PTCHD4: variants seen among roughly 807,000 people sequenced by gnomAD.
PTCHD4 encodes patched domain containing 4, also known as patched domain-containing protein 4.
A neutral mutation model predicts 58.1 loss-of-function variants in PTCHD4; 33 were observed. The observed-to-expected ratio is 0.57, with a 90% CI of 0.43 to 0.76. The LOEUF (loss-of-function observed/expected upper bound fraction) is 0.76. Among genes scored for constraint, PTCHD4 ranks in the 30% least tolerant of loss-of-function variants. PTCHD4 has a pLI of 0.00. For missense variants in PTCHD4, 1,058 were observed against 1,027.1 expected (o/e 1.03, Z -0.41); for synonymous variants, 478 against 409.6 (o/e 1.17, Z -2.02).
At chr6:47,943,534 A>T (rs1766310707) in intron 4 of PTCHD4, among the ~76,000 whole-genome samples, 1 of 152,166 alleles carries the variant, frequency 6.6e-6, no homozygotes, top group Admixed American at 6.5e-5. Flanking sequence ...AGAGTCAATT[A>T]CAGTGCTTTA....
chr6:48,030,693 C>T (rs1390753474), intron 3 of PTCHD4, among the ~76,000 whole-genome samples: 2 of 152,104 alleles, frequency 1.3e-5, no homozygotes, highest in East Asian at 3.9e-4. Context: ...TCACTGCCAT[C>T]CTCACTCCAT....
intron 3 of PTCHD4, among the ~76,000 whole-genome samples, chr6:48,042,285 G>A (rs564083600): frequency 9.2e-5 from 14 of 152,072 alleles, no homozygotes; most frequent in Admixed American, 7.2e-4. Flanking sequence ...CTTCCTATCA[G>A]GCAGTGTGCA....
chr6:48,004,664 C>T (rs557248812), intron 4 of PTCHD4, among the ~76,000 whole-genome samples: 1 of 152,246 alleles, frequency 6.6e-6, no homozygotes, highest in African/African-American at 2.4e-5. Flanking sequence ...ATGCTATAAT[C>T]CCAGAACTTT....
rs560017962 is a variant in PTCHD4 at position 48,002,487 on chromosome 6, T to C, written c.898+6147A>G. Among the ~76,000 whole-genome samples, 181 of 152,168 alleles carry C rather than the reference T, an allele frequency of 1.2e-3. 2 individuals carry two copies. Among genetic ancestry groups the C allele is most frequent in the African/African-American group, 4.0e-3 (166 of 41,512 alleles). ...ACGTGGGTGAAGCTGGAAACCATCA[T>C]TGTCAGCAAACTATCACAAGGACAA... On this transcript the variant is annotated intron_variant, in intron 4 of 4. Transcript: ENST00000339488.
chr6:47,988,743 A>G lies in PTCHD4; in HGVS notation c.898+19891T>C, dbSNP rs1315481100. On this transcript the variant is annotated intron_variant, in intron 4 of 4. Coordinates refer to ENST00000339488, the MANE Select transcript of PTCHD4 (RefSeq NM_001384253.1). ...CCTTTCATCTCCCACCATGATTGTG[A>G]GGCCTCCCCAGCCATGTGGAACTGT... is the stretch of plus-strand genomic sequence containing the variant. Among the ~76,000 whole-genome samples the G allele has an allele frequency of 3.9e-5, 6 of 152,292 alleles. No individual in the cohort carries two copies. The South Asian group carries it at 1.0e-3, about 26-fold the overall frequency.
At position 47,869,570 on chromosome 6, in the gene PTCHD4, GACATTTGTGA is replaced by G. The variant is rs1265711336; in HGVS notation, c.*8723_*8732del. Among the ~76,000 whole-genome samples, 1 of 151,582 alleles carries G rather than the reference GACATTTGTGA, an allele frequency of 6.6e-6. No individual in the cohort carries two copies. The highest frequency in any genetic ancestry group is 2.4e-5 in the African/African-American group (1 of 41,348). The stretch of plus-strand genomic sequence containing the variant: ...GCTTTAGTAATTTATGTGTTTTAGA[GACATTTGTGA>G]ACTTAGGGATTCATAAAAATATCTC... On this transcript the variant is annotated 3_prime_UTR_variant, in exon 5 of 5. Transcript: ENST00000339488.
intron 4 of PTCHD4, among the ~76,000 whole-genome samples, chr6:47,961,291 CT>C (rs563112072): frequency 9.2e-4 from 133 of 145,020 alleles, no homozygotes; most frequent in Admixed American, 2.5e-3. Context: ...AAATTTCTTT[CT>C]TTTTTTTTTT....
rs1763643646 is a variant in PTCHD4 at position 47,868,864 on chromosome 6, A to T, written c.*9439T>A. ...AAAAGCAGAATAAAATTAATAATTAAAATACTAAATTTGGACAGGAAAATG... is the reference window on the plus strand; with the variant it reads ...AAAAGCAGAATAAAATTAATAATTATAATACTAAATTTGGACAGGAAAATG... On this transcript the variant is annotated 3_prime_UTR_variant, in exon 5 of 5. Transcript: ENST00000339488. Among the ~76,000 whole-genome samples, 1 of 151,772 alleles carries T rather than the reference A, an allele frequency of 6.6e-6. No homozygotes were observed. Among genetic ancestry groups the T allele is most frequent in the African/African-American group, 2.4e-5 (1 of 41,392 alleles).
chr6:48,101,016 C>T (rs1392085607), intron 1 of PTCHD4, among the ~76,000 whole-genome samples: 1 of 151,412 alleles, frequency 6.6e-6, no homozygotes, highest in Non-Finnish European at 1.5e-5. Context: ...ATAAATTTTT[C>T]TATGACAGAG....
intron 3 of PTCHD4, among the ~76,000 whole-genome samples, chr6:48,060,775 C>T (rs549614929): frequency 5.3e-5 from 8 of 152,306 alleles, no homozygotes; most frequent in Non-Finnish European, 1.2e-4. Flanking sequence ...GTGCCTGACA[C>T]GCCTTCAGCC....
At chr6:47,974,178 T>C (rs1420164633) in intron 4 of PTCHD4, among the ~76,000 whole-genome samples, 1 of 152,176 alleles carries the variant, frequency 6.6e-6, no homozygotes, top group Non-Finnish European at 1.5e-5. Context: ...TGTTAATTTT[T>C]CCCAGGCTTC....
intron 4 of PTCHD4, among the ~76,000 whole-genome samples, chr6:47,988,060 A>T (rs1057318282): frequency 2.6e-5 from 4 of 152,164 alleles, no homozygotes; most frequent in Admixed American, 2.6e-4. Context: ...TACAGGTGTG[A>T]GCCACTGTGC....
chr6:47,887,140 T>C, intron 4 of PTCHD4, among the ~76,000 whole-genome samples: 1 of 151,712 alleles, frequency 6.6e-6, no homozygotes, highest in South Asian at 2.1e-4. Flanking sequence ...AACACATTCT[T>C]CTTGTAATAG....
chr6:47,898,833 G>C (rs9369752), intron 4 of PTCHD4, among the ~76,000 whole-genome samples: 4 of 152,142 alleles, frequency 2.6e-5, no homozygotes, highest in Non-Finnish European at 5.9e-5. Flanking sequence ...GGGGAAAGAA[G>C]AAAAGAGAGA....
At chr6:47,922,457 C>T (rs964511276) in intron 4 of PTCHD4, among the ~76,000 whole-genome samples, 16 of 152,176 alleles carry the variant, frequency 1.1e-4, no homozygotes, top group African/African-American at 3.1e-4. Context: ...GCCCAACTGG[C>T]TCCTTCGTGG....
At chr6:48,063,336 G>A (rs892802558) in intron 3 of PTCHD4, among the ~76,000 whole-genome samples, 2 of 152,154 alleles carry the variant, frequency 1.3e-5, no homozygotes, top group African/African-American at 4.8e-5. Context: ...ACCTTCCTAT[G>A]AGCCAGTCAC....
chr6:48,053,663 C>T (rs1402947669), intron 3 of PTCHD4, among the ~76,000 whole-genome samples: 1 of 152,100 alleles, frequency 6.6e-6, no homozygotes, highest in Non-Finnish European at 1.5e-5. Context: ...ATGTGTTAAA[C>T]TAGTGTGCCT....
At chr6:47,938,358 G>A (rs572300066) in intron 4 of PTCHD4, among the ~76,000 whole-genome samples, 127 of 152,216 alleles carry the variant, frequency 8.3e-4, no homozygotes, top group African/African-American at 2.9e-3. Flanking sequence ...TGATTCCAAT[G>A]TTGTTGGTCT....
intron 4 of PTCHD4, among the ~76,000 whole-genome samples, chr6:47,938,291 G>A (rs999929769): frequency 6.6e-6 from 1 of 152,198 alleles, no homozygotes; most frequent in African/African-American, 2.4e-5. Context: ...AACTGGACAT[G>A]AATTGTCTAG....
Sources: gnomAD v4.1 joint callset for allele counts (sites outside exome capture counted in the v4.1 genomes callset) on GRCh38, gnomAD v4.1.1 for gene constraint, MANE v1.5 for transcripts, NCBI Gene and HGNC (gene_info 2026-07-23, HGNC 2026-07-21) for gene names.